The following B3GALT1 variants were observed in gnomAD, a reference collection of about 807,000 sequenced individuals.
B3GALT1 encodes the protein beta-1,3-galactosyltransferase 1.
In B3GALT1, 10 loss-of-function variants were observed where a neutral mutation model predicts 23.2. That is an observed-to-expected ratio of 0.43 (90% CI 0.27 to 0.73). The LOEUF is 0.73. Among genes scored for constraint, B3GALT1 ranks in the 30% least tolerant of loss-of-function variants. B3GALT1 has a pLI of 0.21. For synonymous variants in B3GALT1, 156 were observed against 141.5 expected (o/e 1.10, Z -0.73); for missense variants, 299 against 405.4 (o/e 0.74, Z 2.25).
At chr2:167,421,842 T>G (rs1698550515) in intron 1 of B3GALT1, among the ~76,000 whole-genome samples, 1 of 152,124 alleles carries the variant, frequency 6.6e-6, no homozygotes, top group Admixed American at 6.5e-5. Context: ...TATATCTAAA[T>G]GAAAAGATCC....
At chr2:167,579,067 T>C (rs529812471) in intron 2 of B3GALT1, among the ~76,000 whole-genome samples, 3 of 152,190 alleles carry the variant, frequency 2.0e-5, no homozygotes, top group Non-Finnish European at 2.9e-5. Flanking sequence ...CCAGATAAAA[T>C]GGCAGTGGCA....
chr2:167,330,703 A>G (rs1434208606), intron 1 of B3GALT1, among the ~76,000 whole-genome samples: 4 of 152,000 alleles, frequency 2.6e-5, no homozygotes, highest in African/African-American at 7.3e-5. Context: ...TATGATATCA[A>G]TCTCTTTGGT....
chr2:167,844,656 C>T (rs1302097407), intron 4 of B3GALT1, among the ~76,000 whole-genome samples: 1 of 152,186 alleles, frequency 6.6e-6, no homozygotes, highest in Non-Finnish European at 1.5e-5. Flanking sequence ...GTCGAGAGGG[C>T]AGCCGGAGGA....
At chr2:167,344,392 T>G (rs1697196986) in intron 1 of B3GALT1, among the ~76,000 whole-genome samples, 1 of 152,184 alleles carries the variant, frequency 6.6e-6, no homozygotes, top group Non-Finnish European at 1.5e-5. Context: ...ATTTTTTATT[T>G]TGATCATGAG....
intron 1 of B3GALT1, among the ~76,000 whole-genome samples, chr2:167,409,096 G>A (rs981000243): frequency 6.6e-6 from 1 of 152,190 alleles, no homozygotes; most frequent in African/African-American, 2.4e-5. Context: ...TAAATCTAGA[G>A]ACATCCCCAT....
intron 3 of B3GALT1, among the ~76,000 whole-genome samples, chr2:167,665,470 G>A (rs1686159681): frequency 6.6e-6 from 1 of 150,728 alleles, no homozygotes; most frequent in Admixed American, 6.6e-5. Context: ...GGATGATGCT[G>A]GCCTCATAAA....
intron 2 of B3GALT1, among the ~76,000 whole-genome samples, chr2:167,495,531 C>T (rs1699772313): frequency 6.6e-6 from 1 of 152,016 alleles, no homozygotes; most frequent in Non-Finnish European, 1.5e-5. Context: ...CAGGGTTTCT[C>T]CATGTTGGTC....
At chr2:167,426,984 G>GAT (rs1698631623) in intron 1 of B3GALT1, among the ~76,000 whole-genome samples, 7 of 152,154 alleles carry the variant, frequency 4.6e-5, no homozygotes, top group Admixed American at 4.6e-4. Flanking sequence ...CAGCAAAATG[G>GAT]ATAAGTTGTG....
In B3GALT1 at chr2:167,777,000, G is replaced by A. The variant is rs532020006; in HGVS notation, c.-351-41672G>A. Reference sequence around the variant, plus strand: ...GCTTTGTGTTTGTTTTGGTTTTTACGGTCAAGTAATGATCTATTAATATAG... The same window carrying A: ...GCTTTGTGTTTGTTTTGGTTTTTACAGTCAAGTAATGATCTATTAATATAG... On this transcript the variant is annotated intron_variant, in intron 3 of 4. Transcript: ENST00000392690. 5.3e-5 allele frequency among the ~76,000 whole-genome samples: 8 copies of A among 151,946 alleles called. No homozygotes were observed. The South Asian group carries it at 1.2e-3, about 24-fold the overall frequency.
At chr2:167,686,904 G>A (rs1268204771) in intron 3 of B3GALT1, among the ~76,000 whole-genome samples, 1 of 152,144 alleles carries the variant, frequency 6.6e-6, no homozygotes, top group South Asian at 2.1e-4. Flanking sequence ...CTGTAACGCG[G>A]ACAGTCACAC....
chr2:167,708,105 A>G (rs1253610364), intron 3 of B3GALT1, among the ~76,000 whole-genome samples: 2 of 152,174 alleles, frequency 1.3e-5, no homozygotes, highest in East Asian at 1.9e-4. Flanking sequence ...CATCCCACAC[A>G]TGGTGTCTCT....
intron 2 of B3GALT1, among the ~76,000 whole-genome samples, chr2:167,633,392 C>T (rs1461960121): frequency 1.3e-5 from 2 of 151,648 alleles, no homozygotes; most frequent in Non-Finnish European, 2.9e-5. Context: ...GAGTCAAGAC[C>T]TTTGAATGTG....
intron 3 of B3GALT1, among the ~76,000 whole-genome samples, chr2:167,744,478 TTTTGTC>T (rs1687622323): frequency 6.6e-6 from 1 of 152,226 alleles, no homozygotes; most frequent in Non-Finnish European, 1.5e-5. Context: ...CTCAAAGGCT[TTTTGTC>T]TTTAAGAATA....
intron 2 of B3GALT1, among the ~76,000 whole-genome samples, chr2:167,576,401 C>G (rs1259359701): frequency 1.3e-5 from 2 of 151,628 alleles, no homozygotes; most frequent in African/African-American, 4.8e-5. Flanking sequence ...ATTGCTTTAG[C>G]TGGATAATTG....
chr2:167,612,197 G>A (rs1367919), intron 2 of B3GALT1, among the ~76,000 whole-genome samples: 105,520 of 151,646 alleles, frequency 0.7, 38,274 homozygotes, highest in Admixed American at 0.82. Context: ...TTCTTTGAAT[G>A]ATCTAGTTTG....
At chr2:167,703,312 C>G (rs990505672) in intron 3 of B3GALT1, among the ~76,000 whole-genome samples, 1 of 152,132 alleles carries the variant, frequency 6.6e-6, no homozygotes, top group African/African-American at 2.4e-5. Context: ...TACTGGGCTA[C>G]TCTCCCTACA....
chr2:167,814,688 G>T (rs942381435), intron 3 of B3GALT1: 1 of 152,398 alleles, frequency 6.6e-6, no homozygotes, highest in African/African-American at 2.4e-5. Context: ...GACGCGGGAG[G>T]CGGAGGTTGC....
At chr2:167,554,072 T>C (rs184885894) in intron 2 of B3GALT1, among the ~76,000 whole-genome samples, 100 of 152,346 alleles carry the variant, frequency 6.6e-4, no homozygotes, top group African/African-American at 2.4e-3. Flanking sequence ...GTTAAGAGCA[T>C]GACCGCTGGT....
chr2:167,512,544 ATGTATATATATG>A (rs1700024107), intron 2 of B3GALT1, among the ~76,000 whole-genome samples: 9 of 73,342 alleles, frequency 1.2e-4, no homozygotes, highest in African/African-American at 6.8e-4. Flanking sequence ...GTATATATAT[ATGTATATATATG>A]TATATATATA....
Sources: allele counts gnomAD v4.1 joint callset (sites outside exome capture counted in the v4.1 genomes callset), GRCh38; gene constraint gnomAD v4.1.1; transcripts MANE v1.5; gene names NCBI Gene and HGNC (gene_info 2026-07-23, HGNC 2026-07-21).